The following CNTNAP2 variants were observed in gnomAD, a reference collection of about 807,000 sequenced individuals.
CNTNAP2 encodes the protein contactin-associated protein-like 2.
Under a neutral mutation model 155.2 loss-of-function variants are expected in CNTNAP2, and 98 were observed. The observed-to-expected ratio is 0.63, with a 90% confidence interval of 0.54 to 0.75. The LOEUF (loss-of-function observed/expected upper bound fraction) is 0.75, where lower values mean the gene tolerates loss of function less well. CNTNAP2 is among the 30% of genes least tolerant of loss of function. The pLI is 0.00. For missense variants in CNTNAP2, 1,727 were observed against 1,688.1 expected, an observed-to-expected ratio of 1.02 and a Z score of -0.40; for synonymous variants, 651 against 631.2, an observed-to-expected ratio of 1.03 and a Z score of -0.47.
chr7:147,336,248 G>A (rs1210218307), intron 9 of CNTNAP2, among the ~76,000 whole-genome samples: 1 of 151,522 alleles, frequency 6.6e-6, no homozygotes, highest in Non-Finnish European at 1.5e-5. Context: ...TGAGAGGTTT[G>A]CTGTTGTTGT....
At chr7:146,837,643 G>A (rs1300811182) in intron 2 of CNTNAP2, among the ~76,000 whole-genome samples, 1 of 151,982 alleles carries the variant, frequency 6.6e-6, no homozygotes, top group African/African-American at 2.4e-5. Context: ...TGACATTATG[G>A]ATGCAATGTT....
At chr7:146,311,652 A>G (rs1800825129) in intron 1 of CNTNAP2, 1 of 149,460 alleles carries the variant, frequency 6.7e-6, no homozygotes, top group Non-Finnish European at 1.5e-5. Context: ...AAATTAGGAA[A>G]GAAAGCAAAG....
chr7:148,268,297 G>A (rs1307978350), intron 21 of CNTNAP2, among the ~76,000 whole-genome samples: 2 of 152,090 alleles, frequency 1.3e-5, no homozygotes, highest in African/African-American at 4.8e-5. Context: ...TGGTAAAAAT[G>A]CTCACTTAAA....
At chr7:146,768,521 T>C (rs576067781) in intron 1 of CNTNAP2, among the ~76,000 whole-genome samples, 2 of 151,802 alleles carry the variant, frequency 1.3e-5, no homozygotes, top group South Asian at 4.2e-4. Flanking sequence ...GTGCTACTGA[T>C]GATGGAAAGG....
chr7:146,965,560 A>G (rs1035233057), intron 3 of CNTNAP2, among the ~76,000 whole-genome samples: 12 of 151,992 alleles, frequency 7.9e-5, no homozygotes, highest in African/African-American at 2.9e-4. Flanking sequence ...ATAGGAGTAA[A>G]GGTTGAAAAT....
intron 10 of CNTNAP2, among the ~76,000 whole-genome samples, chr7:147,447,287 T>C (rs976838193): frequency 1.5e-4 from 23 of 152,230 alleles, no homozygotes; most frequent in Non-Finnish European, 3.4e-4. Context: ...TCTACTTACA[T>C]ATACATATGT....
intron 11 of CNTNAP2, among the ~76,000 whole-genome samples, chr7:147,557,895 A>G (rs1799981722): frequency 6.6e-6 from 1 of 152,226 alleles, no homozygotes; most frequent in South Asian, 2.1e-4. Flanking sequence ...TTACAGTTGA[A>G]AAAACCACGT....
At chr7:146,129,011 G>C (rs1036706848) in intron 1 of CNTNAP2, among the ~76,000 whole-genome samples, 1 of 152,238 alleles carries the variant, frequency 6.6e-6, no homozygotes, top group Non-Finnish European at 1.5e-5. Flanking sequence ...ATACTTATTT[G>C]CTCAGTGTGA....
At chr7:147,995,546 G>C (rs949421000) in intron 15 of CNTNAP2, among the ~76,000 whole-genome samples, 1 of 117,814 alleles carries the variant, frequency 8.5e-6, no homozygotes, top group Non-Finnish European at 1.7e-5. Context: ...TTTTTTTTTT[G>C]AGATGGAATC....
chr7:147,601,415 G>T (rs10227269), intron 12 of CNTNAP2, among the ~76,000 whole-genome samples: 1 of 151,912 alleles, frequency 6.6e-6, no homozygotes, highest in African/African-American at 2.4e-5. Flanking sequence ...GGTGCTCAGT[G>T]GGGGAGCTTT....
intron 13 of CNTNAP2, among the ~76,000 whole-genome samples, chr7:147,883,689 GA>G (rs1799559952): frequency 6.6e-6 from 1 of 152,032 alleles, no homozygotes; most frequent in African/African-American, 2.4e-5. Flanking sequence ...ATAAAGAAAG[GA>G]AAAAATACAC....
chr7:147,397,425 A>G (rs1000243993), intron 10 of CNTNAP2, among the ~76,000 whole-genome samples: 7 of 151,990 alleles, frequency 4.6e-5, no homozygotes, highest in African/African-American at 1.7e-4. Flanking sequence ...GTTTTTTAGT[A>G]TCTACTCTTT....
chr7:147,930,660 A>C (rs1800484306), intron 14 of CNTNAP2, among the ~76,000 whole-genome samples: 1 of 152,208 alleles, frequency 6.6e-6, no homozygotes, highest in African/African-American at 2.4e-5. Flanking sequence ...AGACATTCAG[A>C]CAGACAAATC....
chr7:147,339,723 T>A (rs1262632159), intron 9 of CNTNAP2, among the ~76,000 whole-genome samples: 1 of 152,140 alleles, frequency 6.6e-6, no homozygotes, highest in Non-Finnish European at 1.5e-5. Flanking sequence ...GTAATAATAA[T>A]CATTTAATGG....
intron 8 of CNTNAP2, among the ~76,000 whole-genome samples, chr7:147,276,938 G>A (rs1429318125): frequency 6.6e-6 from 1 of 151,960 alleles, no homozygotes; most frequent in Non-Finnish European, 1.5e-5. Flanking sequence ...CCTATGATGA[G>A]TAGAGTTGTC....
At chr7:146,965,060 A>G (rs1389649489) in intron 3 of CNTNAP2, among the ~76,000 whole-genome samples, 1 of 152,234 alleles carries the variant, frequency 6.6e-6, no homozygotes, top group Non-Finnish European at 1.5e-5. Flanking sequence ...TACTTAAATA[A>G]TAAGTAAAAC....
At position 148,172,423 on chromosome 7, in the gene CNTNAP2, C is replaced by T. The variant is rs138257598; in HGVS notation, c.2955C>T (p.His985=). ...GAGGCAAATGCCTAGAGAGATACCA[C>T]GGTTACTCCTGCGATTGCTCTAATA... ...ENGGKCLERY[H]GYSCDCSNTA... is the part of the protein sequence containing the mutation. The change falls in exon 18 of 24, where the codon CAC becomes CAT. Residue 985 remains histidine, a synonymous_variant. Transcript: ENST00000361727. The T allele has an allele frequency of 3.5e-5, 57 of 1,614,172 alleles. No homozygotes were observed. The highest frequency in any genetic ancestry group is 5.5e-5 in the South Asian group (5 of 91,086).
chr7:146,429,476 A>G (rs1442714058), intron 1 of CNTNAP2, among the ~76,000 whole-genome samples: 2 of 151,926 alleles, frequency 1.3e-5, no homozygotes, highest in South Asian at 2.1e-4. Context: ...GTATTTTACT[A>G]TTTTTGTGGC....
chr7:146,377,913 C>A (rs1190386281), intron 1 of CNTNAP2, among the ~76,000 whole-genome samples: 1 of 152,192 alleles, frequency 6.6e-6, no homozygotes, highest in East Asian at 1.9e-4. Context: ...AGATGCTGCA[C>A]TTCAAACAAG....
Sources: allele counts gnomAD v4.1 joint callset (sites outside exome capture counted in the v4.1 genomes callset), GRCh38; gene constraint gnomAD v4.1.1; transcripts MANE v1.5; gene names NCBI Gene and HGNC (gene_info 2026-07-23, HGNC 2026-07-21).